FAM234A: variants seen among roughly 807,000 people sequenced by gnomAD.
FAM234A encodes the protein family with sequence similarity 234 member A, also known as protein FAM234A.
A neutral mutation model predicts 49.1 loss-of-function variants in FAM234A; 42 were observed. The observed-to-expected ratio is 0.86, with a 90% CI of 0.67 to 1.11. FAM234A has a LOEUF of 1.11. FAM234A is among the 50% of genes least tolerant of loss of function. The pLI is 0.00. For synonymous variants in FAM234A, 369 were observed against 316.2 expected (o/e 1.17, Z -1.77); for missense variants, 815 against 745.2 (o/e 1.09, Z -1.09).
At chr16:235,137 C>G (rs563820308) in intron 1 of FAM234A, among the ~76,000 whole-genome samples, 2 of 152,360 alleles carry the variant, frequency 1.3e-5, no homozygotes, top group South Asian at 2.1e-4. Context: ...GCATTCAGAA[C>G]AAGCCCACAT....
At chr16:268,773 C>A, downstream of FAM234A, 7 of 1,549,716 alleles carry the variant, frequency 4.5e-6, no homozygotes, top group Non-Finnish European at 6.1e-6. Context: ...GGTCCTCTTC[C>A]AGGCTCACAC....
At chr16:247,630 A>G (rs1197614893) in intron 1 of FAM234A, among the ~76,000 whole-genome samples, 6 of 151,894 alleles carry the variant, frequency 4.0e-5, no homozygotes, top group Non-Finnish European at 8.8e-5. Context: ...ATGGGGTTTC[A>G]CCATGTTGGC....
At chr16:247,724 C>T (rs1008339894) in intron 1 of FAM234A, among the ~76,000 whole-genome samples, 3 of 152,084 alleles carry the variant, frequency 2.0e-5, no homozygotes, top group Non-Finnish European at 2.9e-5. Context: ...TGAGCCACCG[C>T]GCCTGGCCTT....
chr16:256,740 ATTT>A (rs373856766), intron 3 of FAM234A, among the ~76,000 whole-genome samples: 4 of 113,742 alleles, frequency 3.5e-5, no homozygotes, highest in East Asian at 2.5e-4. Flanking sequence ...TGCCTGGCTA[ATTT>A]TTTTTTTTTT....
At chr16:252,382 C>T (rs1413752573) in intron 2 of FAM234A, among the ~76,000 whole-genome samples, 3 of 151,996 alleles carry the variant, frequency 2.0e-5, no homozygotes, top group Non-Finnish European at 4.4e-5. Context: ...CGGTTTTCAC[C>T]ATGTTGTCCA....
intron 1 of FAM234A, among the ~76,000 whole-genome samples, chr16:245,353 A>G (rs73484322): frequency 0.036 from 5,455 of 152,230 alleles, 351 homozygotes; most frequent in African/African-American, 0.12. Context: ...TCAAGATCAG[A>G]TAAAATGAAA....
rs374725626 is a variant in FAM234A at position 262,220 on chromosome 16, C to T, written c.836C>T (p.Pro279Leu). Residue 279 changes from proline (P) to leucine (L), a missense_variant, in exon 7 of 13, where the codon CCC becomes CTC. Transcript: ENST00000399932. ...ACAGGTGCCCACTACATCCTCTTTC[C>T]CTGCGGTACGTTGTTTCTGCCACAT... is the stretch of plus-strand genomic sequence containing the variant. ...TRTGAHYILFPCASSLCGCSV... is the reference protein window; with the variant it reads ...TRTGAHYILFLCASSLCGCSV... 2.5e-6 allele frequency: 4 copies of T among 1,613,834 alleles called. No homozygotes were observed. In the African/African-American group the frequency reaches 5.3e-5, roughly 22 times the overall value.
chr16:262,673 T>C, intron 8 of FAM234A, 120 bp downstream of exon 8: 1 of 1,043,558 alleles, frequency 9.6e-7, no homozygotes, highest in Non-Finnish European at 1.3e-6. Context: ...AGGGAGGTGC[T>C]CGGGGTACCG....
chr16:265,629 C>T lies in FAM234A; in HGVS notation c.*607C>T, dbSNP rs2051667967. The T allele has an allele frequency of 1.0e-6, 1 of 985,588 alleles. No homozygotes were observed. Among genetic ancestry groups the T allele is most frequent in the Non-Finnish European group, 1.2e-6 (1 of 830,112 alleles). The allele number at this position is 985,588 out of a possible 1,614,324, so 61.1% of individuals were successfully genotyped here. On this transcript the variant is annotated 3_prime_UTR_variant, in exon 13 of 13. Coordinates refer to ENST00000399932, the MANE Select transcript of FAM234A (RefSeq NM_032039.4). ...GGGGGGTGTGACTTGGTTCCTTTGA[C>T]CAGGTCCTGTGAGGAAGCCTGGAGC...
At position 254,586 on chromosome 16, in the gene FAM234A, T is replaced by C. The variant is rs1311918370; in HGVS notation, c.173T>C (p.Leu58Pro). 2 of 1,614,138 alleles carry C rather than the reference T, an allele frequency of 1.2e-6. No homozygotes were observed. Among genetic ancestry groups the C allele is most frequent in the South Asian group, 1.1e-5 (1 of 91,084 alleles). ...RAAAFFLSLF[L>P]CLFVVFVVSF... ...GCGGCGTTTTTTCTTTCATTGTTTC[T>C]CTGCCTTTTTGTGGTGTTCGTCGTC... Residue 58 changes from leucine (L) to proline (P), a missense_variant, in exon 3 of 13, where the codon CTC (leucine) becomes CCC (proline). Transcript: ENST00000399932.
At chr16:245,729 A>G (rs2050780926) in intron 1 of FAM234A, among the ~76,000 whole-genome samples, 2 of 152,180 alleles carry the variant, frequency 1.3e-5, no homozygotes, top group Admixed American at 6.5e-5. Context: ...ATGTTAGGCC[A>G]CACTTCAAGC....
At chr16:260,217 C>A (rs1258506019) in intron 5 of FAM234A, 57 bp downstream of exon 5, 1 of 1,519,228 alleles carries the variant, frequency 6.6e-7, no homozygotes, top group Admixed American at 1.7e-5. Flanking sequence ...AGCCACCTCA[C>A]CCTGAGGGCT....
intron 1 of FAM234A, among the ~76,000 whole-genome samples, chr16:237,300 A>T (rs961081085): frequency 2.6e-5 from 4 of 152,118 alleles, no homozygotes; most frequent in African/African-American, 9.7e-5. Context: ...GATTAAAGTG[A>T]CGAATATTTA....
At chr16:254,773 A>G (rs1030922618) in intron 3 of FAM234A, 92 bp downstream of exon 3, 1 of 1,347,126 alleles carries the variant, frequency 7.4e-7, no homozygotes, top group Non-Finnish European at 1.0e-6. Context: ...CGAGTCTAGA[A>G]GTGGCCTTTA....
chr16:249,397 C>T (rs1380483441), intron 1 of FAM234A, 152 bp from the exon 2 acceptor site: 2 of 152,060 alleles, frequency 1.3e-5, no homozygotes, highest in Non-Finnish European at 2.9e-5. Context: ...CTTAGTCCTT[C>T]TGGGGGTGGC....
chr16:251,736 G>C (rs2051021452), intron 2 of FAM234A, among the ~76,000 whole-genome samples: 1 of 146,034 alleles, frequency 6.8e-6, no homozygotes. Context: ...AGGCGTGGTG[G>C]CTCATGCCTG....
chr16:258,023 A>G (rs2051306267), intron 3 of FAM234A, among the ~76,000 whole-genome samples: 1 of 151,620 alleles, frequency 6.6e-6, no homozygotes, highest in Non-Finnish European at 1.5e-5. Context: ...ACGCCCGGCT[A>G]ATTTCTGTAT....
chr16:236,036 C>A (rs1449812102), intron 1 of FAM234A, among the ~76,000 whole-genome samples: 2 of 151,880 alleles, frequency 1.3e-5, no homozygotes, highest in Non-Finnish European at 2.9e-5. Flanking sequence ...GCCGGTAATC[C>A]CAGTTACTCG....
chr16:262,609 C>T (rs550453715), intron 8 of FAM234A, 56 bp downstream of exon 8: 42 of 1,489,342 alleles, frequency 2.8e-5, no homozygotes, highest in East Asian at 1.7e-4. Context: ...TGGCTCTGCT[C>T]GCCTGCCTCA....
Sources: allele counts gnomAD v4.1 joint callset (sites outside exome capture counted in the v4.1 genomes callset), GRCh38; gene constraint gnomAD v4.1.1; transcripts MANE v1.5; gene names NCBI Gene and HGNC (gene_info 2026-07-23, HGNC 2026-07-21).